INSL5: variants seen among roughly 807,000 people sequenced by gnomAD.
INSL5 encodes the protein insulin like 5.
INSL5 carries 3 observed loss-of-function variants against 4.3 expected under a neutral mutation model. That is an observed-to-expected ratio of 0.70 (90% CI 0.32 to 1.82). INSL5 has a LOEUF of 1.82. INSL5 is among the 40% of genes most tolerant of loss of function. INSL5 has a pLI of 0.08. For missense variants in INSL5, 168 were observed against 160.9 expected (o/e 1.04, Z -0.24); for synonymous variants, 68 against 56.6 (o/e 1.20, Z -0.90).
intron 1 of INSL5, among the ~76,000 whole-genome samples, chr1:66,799,994 A>G (rs1242042933): frequency 1.3e-5 from 2 of 152,106 alleles, no homozygotes; most frequent in Non-Finnish European, 2.9e-5. Flanking sequence ...GGCTTCAGTG[A>G]GCTATGATTG....
At chr1:66,798,266 T>A (rs1023361573) in intron 1 of INSL5, 21 bp from the exon 2 acceptor site, 32 of 1,556,016 alleles carry the variant, frequency 2.1e-5, no homozygotes, top group Non-Finnish European at 2.8e-5. Flanking sequence ...GAGAAAAAAA[T>A]AATACATCCT....
Position 66,801,258 on chromosome 1 carries a change from T to C in INSL5, c.-37A>G. The C allele has an allele frequency of 6.6e-7, 1 of 1,506,934 alleles. No homozygotes were observed. The highest frequency in any genetic ancestry group is 1.4e-5 in the African/African-American group (1 of 72,806). 93.3% of individuals were successfully genotyped at this position (1,506,934 alleles called of 1,614,324 possible). On this transcript the variant is annotated 5_prime_UTR_variant, in exon 1 of 2. The change creates a new upstream start codon in the 5' untranslated region. Transcript: ENST00000304526. ...CTGAATGTGAATCTGATATGGTAAA[T>C]ATAGTCAAATCAAATTCTGGAGTGA...
At chr1:66,798,913 C>T (rs975736304) in intron 1 of INSL5, among the ~76,000 whole-genome samples, 1 of 152,158 alleles carries the variant, frequency 6.6e-6, no homozygotes, top group Non-Finnish European at 1.5e-5. Flanking sequence ...TCAGTGATGT[C>T]CAACAGAGCT....
intron 1 of INSL5, among the ~76,000 whole-genome samples, chr1:66,798,614 C>T (rs1356364696): frequency 6.6e-6 from 1 of 152,140 alleles, no homozygotes; most frequent in Non-Finnish European, 1.5e-5. Flanking sequence ...CCTGTGTATG[C>T]CCTGCAATCT....
rs1423667104 is a variant in INSL5 at position 66,801,102 on chromosome 1, G to A, written c.120C>T (p.Ile40=). ...GLEYIRTVIY[I]CASSRWRRHQ... Reference sequence around the variant, plus strand: ...GCCTTCTCCACCTGGAGCTAGCACAGATATAGATGACTGTCCGTATGTATT... The same window carrying A: ...GCCTTCTCCACCTGGAGCTAGCACAAATATAGATGACTGTCCGTATGTATT... The change falls in exon 1 of 2, where the codon ATC becomes ATT. Residue 40 remains isoleucine (I), a synonymous_variant. Coordinates refer to ENST00000304526, the MANE Select transcript of INSL5 (RefSeq NM_005478.6). 1 of 1,613,902 alleles carries A rather than the reference G, an allele frequency of 6.2e-7. No individual in the cohort carries two copies. The highest frequency in any genetic ancestry group is 8.5e-7 in the Non-Finnish European group (1 of 1,179,772).
intron 1 of INSL5, among the ~76,000 whole-genome samples, chr1:66,799,296 G>C (rs1393087112): frequency 1.3e-5 from 2 of 152,016 alleles, no homozygotes; most frequent in African/African-American, 4.8e-5. Flanking sequence ...TAACTTTTTA[G>C]TATAAAACAT....
Position 66,798,226 on chromosome 1 carries a change from G to T in INSL5, c.195C>A (p.Phe65Leu). ...AAAACTCACGTTTATGTGGGAGCTG[G>T]AAGGAGTTTCCTGTCTCAGCTGTAT... is the stretch of plus-strand genomic sequence containing the variant. ...QAQQAETGNS[F>L]QLPHKREFSE... The change falls in exon 2 of 2, where the codon TTC (phenylalanine) becomes TTA (leucine). Residue 65 changes from phenylalanine (F) to leucine (L), a missense_variant. Physicochemically the swap from Phe to Leu is conservative, Grantham distance 22. Transcript: ENST00000304526. 4 of 1,613,930 alleles carry T rather than the reference G, an allele frequency of 2.5e-6. No homozygotes were observed. Among genetic ancestry groups the T allele is most frequent in the Non-Finnish European group, 3.4e-6 (4 of 1,179,898 alleles).
At position 66,797,792 on chromosome 1, in the gene INSL5, C is replaced by A; in HGVS notation, c.*221G>T. 2.3e-6 allele frequency: 1 copy of A among 436,806 alleles called. No individual in the cohort carries two copies. Among genetic ancestry groups the A allele is most frequent in the Non-Finnish European group, 4.1e-6 (1 of 246,316 alleles). The allele number at this position is 436,806 out of a possible 1,614,324, so 27.1% of individuals were successfully genotyped here. On this transcript the variant is annotated 3_prime_UTR_variant, in exon 2 of 2. Coordinates refer to ENST00000304526, the MANE Select transcript of INSL5 (RefSeq NM_005478.6). Reference sequence around the variant, plus strand: ...TTGCGCAGCATTTGAAATTTCAAAGCATTAGTAGAATTTGAAAAGAACAGT... The same window carrying A: ...TTGCGCAGCATTTGAAATTTCAAAGAATTAGTAGAATTTGAAAAGAACAGT...
intron 1 of INSL5, among the ~76,000 whole-genome samples, chr1:66,799,722 T>A (rs985676150): frequency 1.3e-5 from 2 of 152,170 alleles, no homozygotes; most frequent in African/African-American, 4.8e-5. Context: ...AATAAATGTA[T>A]ATAATTTTTA....
chr1:66,798,010 G>C lies in INSL5; in HGVS notation c.*3C>G, dbSNP rs781490615. ...TGCCACCCATTGGGTATTTGCTCTT[G>C]TCTTAGCAAAGAGCACTCAAATCAG... On this transcript the variant is annotated 3_prime_UTR_variant, in exon 2 of 2. Transcript: ENST00000304526. The C allele has an allele frequency of 2.3e-5, 37 of 1,597,074 alleles. No homozygotes were observed. The East Asian group carries it at 3.6e-4, about 15-fold the overall frequency.
chr1:66,801,121 AT>A lies in INSL5; in HGVS notation c.100del (p.Ile34TyrfsTer78), dbSNP rs760971008. On this transcript the variant is annotated frameshift_variant, in exon 1 of 2. Transcript: ENST00000304526. LOFTEE classifies it high-confidence loss of function. ...AGCACAGATATAGATGACTGTCCGT[AT>A]GTATTCTAGCCCACAGAGTCTCACA... ...ESVRLCGLEY[I>X]RTVIYICASS... 1.2e-6 allele frequency: 2 copies of A among 1,613,548 alleles called. No homozygotes were observed. The highest frequency in any genetic ancestry group is 1.7e-6 in the Non-Finnish European group (2 of 1,179,418).
At position 66,797,938 on chromosome 1, in the gene INSL5, G is replaced by T; in HGVS notation, c.*75C>A. 1 of 1,032,276 alleles carries T rather than the reference G, an allele frequency of 9.7e-7. No individual in the cohort carries two copies. The highest frequency in any genetic ancestry group is 1.5e-6 in the Non-Finnish European group (1 of 678,290). The allele number at this position is 1,032,276 out of a possible 1,614,324, so 63.9% of individuals were successfully genotyped here. ...ATCATTTTAATAACACAATATTAGT[G>T]TTCTACCAGGCAGTAAAACACTGTA... On this transcript the variant is annotated 3_prime_UTR_variant, in exon 2 of 2. Transcript: ENST00000304526.
Position 66,801,168 on chromosome 1 carries a change from T to G in INSL5, c.54A>C (p.Ser18=), listed in dbSNP as rs1370261021. The change falls in exon 1 of 2, where the codon TCA becomes TCC. Residue 18 remains serine, a synonymous_variant. Transcript: ENST00000304526. ...TCACAGACTCCTTGCTCCGCACTTC[T>G]GAGATGGCAAATAGGACAGAGAATA... is the stretch of plus-strand genomic sequence containing the variant. The part of the protein sequence containing the change: ...LFLFSVLFAI[S]EVRSKESVRL... 3 of 1,613,088 alleles carry G rather than the reference T, an allele frequency of 1.9e-6. No homozygotes were observed. The highest frequency in any genetic ancestry group is 2.2e-5 in the East Asian group (1 of 44,882).
chr1:66,798,320 G>T, intron 1 of INSL5, 75 bp from the exon 2 acceptor site: 2 of 988,210 alleles, frequency 2.0e-6, no homozygotes, highest in South Asian at 2.8e-5. Context: ...TTCCACTCCT[G>T]GGGAAATGAA....
intron 1 of INSL5, among the ~76,000 whole-genome samples, chr1:66,800,619 C>T (rs748097761): frequency 5.3e-5 from 8 of 152,156 alleles, no homozygotes; most frequent in Non-Finnish European, 1.2e-4. Flanking sequence ...CTTAAAAGTG[C>T]TCAATTAAGG....
rs772998242 is a variant in INSL5 at position 66,798,054 on chromosome 1, T to G, written c.367A>C (p.Thr123Pro). Residue 123 changes from threonine (T) to proline (P), a missense_variant, in exon 2 of 2, where the codon ACT becomes CCT. By Grantham distance (38) the Thr-to-Pro change is conservative. Coordinates refer to ENST00000304526, the MANE Select transcript of INSL5 (RefSeq NM_005478.6). The part of the protein sequence containing the change: ...SRQDLQTLCC[T>P]DGCSMTDLSA... ...AAATCAGTCATGGAACAGCCATCAGTGCAACACAAAGTTTGTAAATCTTGT... is the reference window on the plus strand; with the variant it reads ...AAATCAGTCATGGAACAGCCATCAGGGCAACACAAAGTTTGTAAATCTTGT... 5 of 1,613,978 alleles carry G rather than the reference T, an allele frequency of 3.1e-6. No individual in the cohort carries two copies. In the Admixed American group the frequency reaches 5.0e-5, roughly 16 times the overall value.
At chr1:66,800,461 T>A (rs1645368063) in intron 1 of INSL5, among the ~76,000 whole-genome samples, 1 of 152,142 alleles carries the variant, frequency 6.6e-6, no homozygotes, top group South Asian at 2.1e-4. Context: ...TGAAGCCAGA[T>A]AGACCCAGTT....
rs766779218 is a variant in INSL5 at position 66,801,111 on chromosome 1, G to A, written c.111C>T (p.Val37=). 1.4e-5 allele frequency: 22 copies of A among 1,613,710 alleles called. No homozygotes were observed. The highest frequency in any genetic ancestry group is 1.9e-5 in the Non-Finnish European group (22 of 1,179,596). ...ACCTGGAGCTAGCACAGATATAGAT[G>A]ACTGTCCGTATGTATTCTAGCCCAC... ...RLCGLEYIRT[V]IYICASSRWR... is the part of the protein sequence containing the mutation. The change falls in exon 1 of 2, where the codon GTC becomes GTT. Residue 37 remains valine (V), a synonymous_variant. Transcript: ENST00000304526.
At chr1:66,799,912 G>C (rs976857404) in intron 1 of INSL5, among the ~76,000 whole-genome samples, 1 of 151,962 alleles carries the variant, frequency 6.6e-6, no homozygotes, top group African/African-American at 2.4e-5. Flanking sequence ...AGCCAGATGT[G>C]GTGGCACACA....
Sources: gnomAD v4.1 joint callset for allele counts (sites outside exome capture counted in the v4.1 genomes callset) on GRCh38, gnomAD v4.1.1 for gene constraint, MANE v1.5 for transcripts, NCBI Gene and HGNC (gene_info 2026-07-23, HGNC 2026-07-21) for gene names.